The following PDCD11 variants were observed in gnomAD, a reference collection of about 807,000 sequenced individuals.
The protein encoded by PDCD11 is programmed cell death 11, also known as protein RRP5 homolog.
A neutral mutation model predicts 198.9 loss-of-function variants in PDCD11; 97 were observed. The ratio of observed to expected loss-of-function variants is 0.49; its 90% confidence interval spans 0.41 to 0.58. The LOEUF (loss-of-function observed/expected upper bound fraction) is 0.58. PDCD11 is among the 20% of genes least tolerant of loss of function. The probability of loss-of-function intolerance (pLI) is 0.00; values close to 1 mark genes in which losing one functional copy is unlikely to be tolerated. For missense variants in PDCD11, 2,102 were observed against 2,312.7 expected, an observed-to-expected ratio of 0.91 and a Z score of 1.87; for synonymous variants, 893 against 918.0, an observed-to-expected ratio of 0.97 and a Z score of 0.49.
At position 103,417,939 on chromosome 10, in the gene PDCD11, G is replaced by A. The variant is rs996688642; in HGVS notation, c.1911+7G>A. 8 of 1,613,716 alleles carry A rather than the reference G, an allele frequency of 5.0e-6. No individual in the cohort carries two copies. Among genetic ancestry groups the A allele is most frequent in the Non-Finnish European group, 6.8e-6 (8 of 1,179,904 alleles). ...AGCCATTAACATTGGGCAGGTACGT[G>A]GACTTCTCTGGACAAGCTATTTTAT... is the stretch of plus-strand genomic sequence containing the variant. On this transcript the variant is annotated splice_region_variant and intron_variant, in intron 14 of 35. Coordinates refer to ENST00000369797, the MANE Select transcript of PDCD11 (RefSeq NM_014976.2).
chr10:103,438,648 A>G (rs770451972), intron 26 of PDCD11, 38 bp from the exon 27 acceptor site: 2 of 1,613,082 alleles, frequency 1.2e-6, no homozygotes, highest in East Asian at 2.2e-5. Context: ...GGGACAGTGG[A>G]GGTTAAAGGT....
chr10:103,419,218 T>C (rs986109394), intron 15 of PDCD11, among the ~76,000 whole-genome samples: 1 of 152,100 alleles, frequency 6.6e-6, no homozygotes, highest in African/African-American at 2.4e-5. Flanking sequence ...CCATCCCTTT[T>C]TGGTGTCCTC....
In PDCD11 at chr10:103,418,464, A is replaced by G. The variant is rs141961630; in HGVS notation, c.1936A>G (p.Lys646Glu). 220 of 1,613,868 alleles carry G rather than the reference A, an allele frequency of 1.4e-4. No individual in the cohort carries two copies. The highest frequency in any genetic ancestry group is 1.7e-4 in the Non-Finnish European group (202 of 1,179,920). The stretch of plus-strand genomic sequence containing the variant: ...GTTGGTAGATGTGAAGGTTTTAGAG[A>G]AGACCAAAGATGGGCTGGAGGTGGC... ...GQLVDVKVLE[K>E]TKDGLEVAVL... The change falls in exon 15 of 36, where the codon AAG (lysine) becomes GAG (glutamate). Residue 646 changes from lysine to glutamate, a missense_variant. Coordinates refer to ENST00000369797, the MANE Select transcript of PDCD11 (RefSeq NM_014976.2).
intron 21 of PDCD11, among the ~76,000 whole-genome samples, chr10:103,431,111 A>G (rs529927192): frequency 6.6e-6 from 1 of 151,856 alleles, no homozygotes; most frequent in Non-Finnish European, 1.5e-5. Flanking sequence ...CCCATTTTCT[A>G]CATTTGGGAG....
At chr10:103,403,393 A>C in intron 4 of PDCD11, 108 bp downstream of exon 4, 2 of 1,006,368 alleles carry the variant, frequency 2.0e-6, no homozygotes, top group Non-Finnish European at 2.9e-6. Flanking sequence ...AGGTCCCGTG[A>C]GAGTTTATCA....
intron 2 of PDCD11, among the ~76,000 whole-genome samples, chr10:103,399,079 C>A (rs1166522741): frequency 6.6e-6 from 1 of 150,568 alleles, no homozygotes; most frequent in Non-Finnish European, 1.5e-5. Context: ...TGCCATGTGC[C>A]ATGTTGATTA....
rs762680668 is a variant in PDCD11 at position 103,400,539 on chromosome 10, G to C, written c.234+11G>C. On this transcript the variant is annotated intron_variant, in intron 3 of 35. Transcript: ENST00000369797. Reference sequence around the variant, plus strand: ...ATCCTTAGTGTTGAGGTTTGTTAAAGTTGGTTTTCATTTAAACAATCGACC... The same window carrying C: ...ATCCTTAGTGTTGAGGTTTGTTAAACTTGGTTTTCATTTAAACAATCGACC... The C allele has an allele frequency of 7.5e-6, 12 of 1,606,504 alleles. No individual in the cohort carries two copies. The highest frequency in any genetic ancestry group is 9.3e-6 in the Non-Finnish European group (11 of 1,177,184).
chr10:103,403,191 C>G lies in PDCD11; in HGVS notation c.308C>G (p.Pro103Arg). Reference protein sequence around the residue: ...VNELELVISLPNGLQGFVQVT... With the variant: ...VNELELVISLRNGLQGFVQVT... ...GAACTGGAACTGGTGATTAGTCTCC[C>G]CAATGGCCTCCAGGGCTTTGTGCAA... The change falls in exon 4 of 36, where the codon CCC becomes CGC. Residue 103 changes from proline (P) to arginine (R), a missense_variant. Transcript: ENST00000369797. The G allele has an allele frequency of 1.2e-6, 2 of 1,614,108 alleles. No individual in the cohort carries two copies. Among genetic ancestry groups the G allele is most frequent in the African/African-American group, 1.3e-5 (1 of 75,020 alleles).
chr10:103,403,956 A>G (rs1257459114), intron 4 of PDCD11, among the ~76,000 whole-genome samples: 1 of 151,986 alleles, frequency 6.6e-6, no homozygotes, highest in East Asian at 1.9e-4. Flanking sequence ...GAGATAGGAA[A>G]CCCTGAAGGG....
intron 2 of PDCD11, chr10:103,399,684 C>T (rs558717419): frequency 6.6e-6 from 1 of 152,280 alleles, no homozygotes; most frequent in East Asian, 1.9e-4. Context: ...TACTGTGAAG[C>T]ACTGATTGCA....
At chr10:103,427,181 C>T in intron 20 of PDCD11, 148 bp from the exon 21 acceptor site, 1 of 711,320 alleles carries the variant, frequency 1.4e-6, no homozygotes, top group Non-Finnish European at 2.5e-6. Context: ...AACCTTCAGC[C>T]TGACACATCT....
At position 103,410,102 on chromosome 10, in the gene PDCD11, G is replaced by A. The variant is rs4918013; in HGVS notation, c.978+296G>A. Among the ~76,000 whole-genome samples the A allele has an allele frequency of 0.13, 19,997 of 152,150 alleles. 1,329 individuals are homozygous for A. The highest frequency in any genetic ancestry group is 0.18 in the Middle Eastern group (53 of 294). ...ATACAAAAATTAGCCAGGCGTGGTG[G>A]CGCATGCCTGTAGTCCCAGCTACTC... is the stretch of plus-strand genomic sequence containing the variant. On this transcript the variant is annotated intron_variant, in intron 8 of 35. Transcript: ENST00000369797.
At chr10:103,426,995 G>A (rs2133724626) in intron 20 of PDCD11, among the ~76,000 whole-genome samples, 1 of 152,114 alleles carries the variant, frequency 6.6e-6, no homozygotes, top group South Asian at 2.1e-4. Flanking sequence ...TATAGTCCCA[G>A]CTACTTGGGA....
At chr10:103,414,708 A>T (rs2031001732) in intron 11 of PDCD11, among the ~76,000 whole-genome samples, 1 of 152,166 alleles carries the variant, frequency 6.6e-6, no homozygotes, top group Admixed American at 6.5e-5. Flanking sequence ...CTCCCTTTAT[A>T]TGTAGAGTTT....
intron 14 of PDCD11, 80 bp from the exon 15 acceptor site, chr10:103,418,360 C>A: frequency 8.2e-7 from 1 of 1,220,174 alleles, no homozygotes; most frequent in Admixed American, 1.9e-5. Flanking sequence ...AGTTTAATGC[C>A]TCCAAGCCCT....
rs2031638365 is a variant in PDCD11 at position 103,425,269 on chromosome 10, G to A, written c.3049G>A (p.Glu1017Lys). ...GGACTCTGAGACAGTTGATGAGGAT[G>A]AAGAAGTGGATCCAGCTCTGACTGT... ...QKDSETVDED[E>K]EVDPALTVGT... Residue 1017 changes from glutamate (E) to lysine (K), a missense_variant, in exon 20 of 36, where the codon GAA (glutamate) becomes AAA (lysine). Physicochemically the swap from Glu to Lys is moderately conservative, Grantham distance 56 (BLOSUM62 1). Coordinates refer to ENST00000369797, the MANE Select transcript of PDCD11 (RefSeq NM_014976.2). 6.2e-7 allele frequency: 1 copy of A among 1,614,168 alleles called. No individual in the cohort carries two copies. Among genetic ancestry groups the A allele is most frequent in the Non-Finnish European group, 8.5e-7 (1 of 1,180,018 alleles).
chr10:103,412,162 CTTT>C (rs112740038), intron 8 of PDCD11, among the ~76,000 whole-genome samples: 1 of 139,112 alleles, frequency 7.2e-6, no homozygotes, highest in Non-Finnish European at 1.6e-5. Context: ...GCTTGGCTAA[CTTT>C]TTTTTTTTTT....
intron 2 of PDCD11, among the ~76,000 whole-genome samples, chr10:103,398,991 G>A (rs2133665090): frequency 6.6e-6 from 1 of 152,260 alleles, no homozygotes; most frequent in Admixed American, 6.5e-5. Context: ...TCCTGCCTGG[G>A]CGACAGAGTG....
At chr10:103,426,142 T>G (rs2031685131) in intron 20 of PDCD11, among the ~76,000 whole-genome samples, 1 of 152,202 alleles carries the variant, frequency 6.6e-6, no homozygotes, top group South Asian at 2.1e-4. Context: ...AGGGCCATGG[T>G]GAAGACTGAA....
Sources: gnomAD v4.1 joint callset for allele counts (sites outside exome capture counted in the v4.1 genomes callset) on GRCh38, gnomAD v4.1.1 for gene constraint, MANE v1.5 for transcripts, NCBI Gene and HGNC (gene_info 2026-07-23, HGNC 2026-07-21) for gene names.